Variants in SOS2 observed in about 807,000 individuals in gnomAD.
SOS2 encodes son of sevenless homolog 2.
A neutral mutation model predicts 148.2 loss-of-function variants in SOS2; 65 were observed. The ratio of observed to expected loss-of-function variants is 0.44; its 90% confidence interval spans 0.36 to 0.54. The LOEUF (loss-of-function observed/expected upper bound fraction) is 0.54. Ranked by LOEUF, SOS2 falls within the 20% of genes least tolerant of loss-of-function variation. SOS2 has a pLI of 0.00. For synonymous variants in SOS2, 539 were observed against 537.1 expected, an observed-to-expected ratio of 1.00 and a Z score of -0.05; for missense variants, 1,341 against 1,590.2, an observed-to-expected ratio of 0.84 and a Z score of 2.67.
In SOS2 at chr14:50,145,337, C is replaced by T; in HGVS notation, c.2505-5G>A. On this transcript the variant is annotated splice_polypyrimidine_tract_variant and splice_region_variant and intron_variant, in intron 15 of 22. Coordinates refer to ENST00000216373, the MANE Select transcript of SOS2 (RefSeq NM_006939.4). ...TTTTCTGCTTCCACAATGCATCTAA[C>T]AACAACAAAAATTCATGGCTTAGAA... is the stretch of plus-strand genomic sequence containing the variant. 6.3e-7 allele frequency: 1 copy of T among 1,593,842 alleles called. No individual in the cohort carries two copies. Among genetic ancestry groups the T allele is most frequent in the Non-Finnish European group, 8.5e-7 (1 of 1,173,428 alleles).
chr14:50,179,978 T>A (rs549883784), intron 7 of SOS2, among the ~76,000 whole-genome samples: 1 of 151,986 alleles, frequency 6.6e-6, no homozygotes, highest in Non-Finnish European at 1.5e-5. Context: ...GAAATCACAC[T>A]CCAGATTCAT....
At chr14:50,198,159 G>A (rs1407202848) in intron 4 of SOS2, among the ~76,000 whole-genome samples, 1 of 152,134 alleles carries the variant, frequency 6.6e-6, no homozygotes, top group East Asian at 1.9e-4. Context: ...ATGTTTGAAA[G>A]TTAGATGGTA....
rs746271219 is a variant in SOS2, at chr14:50,130,054, AT to A, written c.3338-53del. The stretch of plus-strand genomic sequence containing the variant: ...AAAAGGAAGGTAACATGTAGGTATT[AT>A]TTTTTAAATGTTTCCATAAATAATA... On this transcript the variant is annotated intron_variant, in intron 20 of 22. Coordinates refer to ENST00000216373, the MANE Select transcript of SOS2 (RefSeq NM_006939.4). 10 of 1,111,196 alleles carry A rather than the reference AT, an allele frequency of 9.0e-6. No homozygotes were observed. The East Asian group carries it at 1.2e-4, about 13-fold the overall frequency. 68.8% of individuals were successfully genotyped at this position (1,111,196 alleles called of 1,614,324 possible). A position where few individuals can be genotyped will look rare whatever the true frequency, so the allele number is the denominator to read the frequency against.
At chr14:50,170,562 C>T (rs982172586) in intron 8 of SOS2, among the ~76,000 whole-genome samples, 1 of 151,806 alleles carries the variant, frequency 6.6e-6, no homozygotes, top group Admixed American at 6.6e-5. Context: ...AGCACACATC[C>T]GTAGTCCTAG....
intron 21 of SOS2, among the ~76,000 whole-genome samples, chr14:50,126,257 C>T (rs1594955926): frequency 6.6e-6 from 1 of 152,130 alleles, no homozygotes; most frequent in African/African-American, 2.4e-5. Context: ...TTCATCATCT[C>T]AAATATTCAT....
At position 50,179,737 on chromosome 14, in the gene SOS2, G is replaced by C. The variant is rs577553779; in HGVS notation, c.969+835C>G. On this transcript the variant is annotated intron_variant, in intron 7 of 22. Coordinates refer to ENST00000216373, the MANE Select transcript of SOS2 (RefSeq NM_006939.4). ...TACCTATGCCAACATAACTTTTGTT[G>C]TTAGTGTTGAGATAGTAAAAATAAA... Among the ~76,000 whole-genome samples, 312 of 152,264 alleles carry C rather than the reference G, an allele frequency of 2.0e-3. 4 individuals carry two copies. The highest frequency in any genetic ancestry group is 2.9e-3 in the Non-Finnish European group (195 of 68,022).
chr14:50,125,431 G>A (rs1883650263), intron 21 of SOS2, among the ~76,000 whole-genome samples: 1 of 152,198 alleles, frequency 6.6e-6, no homozygotes, highest in Non-Finnish European at 1.5e-5. Flanking sequence ...AGTTTGTGGT[G>A]CTTTGTTATG....
chr14:50,225,698 G>T (rs1887350832), intron 1 of SOS2, among the ~76,000 whole-genome samples: 1 of 152,154 alleles, frequency 6.6e-6, no homozygotes. Context: ...AGGAATTCCA[G>T]AACAGGCTCA....
rs10658395 is a variant in SOS2, at chr14:50,118,856, CA to C, written c.3490-4del. ...TCATCATCAGATTTCATATTTCCCT[CA>C]AAAAAAAAAGTAATTAAATTATACC... On this transcript the variant is annotated splice_polypyrimidine_tract_variant and splice_region_variant and intron_variant, in intron 22 of 22. Transcript: ENST00000216373. 1,408 of 1,174,898 alleles carry C rather than the reference CA, an allele frequency of 1.2e-3. 13 individuals carry two copies. In the South Asian group the frequency reaches 0.018, roughly 15 times the overall value. 72.8% of individuals were successfully genotyped at this position (1,174,898 alleles called of 1,614,324 possible).
intron 2 of SOS2, among the ~76,000 whole-genome samples, chr14:50,202,498 C>T (rs1886524892): frequency 6.6e-6 from 1 of 151,624 alleles, no homozygotes; most frequent in Admixed American, 6.6e-5. Flanking sequence ...CTTTGGGAGA[C>T]TGAGGTGGGA....
At chr14:50,229,240 T>C (rs1162167041) in intron 1 of SOS2, among the ~76,000 whole-genome samples, 1 of 152,124 alleles carries the variant, frequency 6.6e-6, no homozygotes, top group Admixed American at 6.6e-5. Flanking sequence ...TTTCCAAAAA[T>C]ATAAAAAAAT....
chr14:50,169,186 C>T (rs957472327), intron 8 of SOS2, among the ~76,000 whole-genome samples: 3 of 151,434 alleles, frequency 2.0e-5, no homozygotes, highest in East Asian at 3.9e-4. Flanking sequence ...CATGGTAGCA[C>T]GCATCTGTAA....
chr14:50,228,720 A>C (rs941511850), intron 1 of SOS2, among the ~76,000 whole-genome samples: 1 of 152,218 alleles, frequency 6.6e-6, no homozygotes, highest in Admixed American at 6.5e-5. Flanking sequence ...CTGAACTCTG[A>C]GCTCAGAACC....
At chr14:50,201,217 A>G in intron 2 of SOS2, 133 bp from the exon 3 acceptor site, 2 of 840,508 alleles carry the variant, frequency 2.4e-6, no homozygotes, top group Non-Finnish European at 3.6e-6. Context: ...TGATTCCTGT[A>G]ATAAATAAAT....
intron 1 of SOS2, among the ~76,000 whole-genome samples, chr14:50,214,114 AAC>A (rs1401557413): frequency 4.3e-4 from 11 of 25,780 alleles, no homozygotes; most frequent in South Asian, 2.7e-3. Context: ...TATTTTTCAT[AAC>A]AAGCTTTGCA....
At chr14:50,147,210 C>T (rs1344686378) in intron 14 of SOS2, among the ~76,000 whole-genome samples, 1 of 149,432 alleles carries the variant, frequency 6.7e-6, no homozygotes, top group East Asian at 2.0e-4. Flanking sequence ...AAACAAACAA[C>T]AACAACAACA....
intron 1 of SOS2, among the ~76,000 whole-genome samples, chr14:50,217,482 T>A (rs1168608458): frequency 6.6e-6 from 1 of 152,070 alleles, no homozygotes; most frequent in Non-Finnish European, 1.5e-5. Context: ...AAGGATCACT[T>A]TAGATCAGGA....
chr14:50,199,837 C>A lies in SOS2; in HGVS notation c.364G>T (p.Val122Leu). The A allele has an allele frequency of 6.3e-7, 1 of 1,579,480 alleles. No individual in the cohort carries two copies. The highest frequency in any genetic ancestry group is 8.7e-7 in the Non-Finnish European group (1 of 1,156,026). Residue 122 changes from valine to leucine, a missense_variant, in exon 4 of 23, where the codon GTG becomes TTG. This residue lies in a region of SOS2 where 574 missense variants were observed against 711.1 expected (regional missense o/e 0.81). Coordinates refer to ENST00000216373, the MANE Select transcript of SOS2 (RefSeq NM_006939.4). Reference sequence around the variant, plus strand: ...ATATATAGGGATACATGGTAGTCCACTTTGTACCCTAATACTTCCTGTGAA... The same window carrying A: ...ATATATAGGGATACATGGTAGTCCAATTTGTACCCTAATACTTCCTGTGAA... ...PSLKEVLGYK[V>L]DYHVSLYIVA... is the part of the protein sequence containing the mutation.
chr14:50,220,920 C>G (rs1162786129), intron 1 of SOS2, among the ~76,000 whole-genome samples: 1 of 152,150 alleles, frequency 6.6e-6, no homozygotes, highest in Admixed American at 6.5e-5. Flanking sequence ...ACAGTACAGG[C>G]TAGAAAAATG....
Sources: gnomAD v4.1 joint callset for allele counts (sites outside exome capture counted in the v4.1 genomes callset) on GRCh38, gnomAD v4.1.1 for gene constraint, gnomAD v4.1.1 regional missense constraint, MANE v1.5 for transcripts, NCBI Gene and HGNC (gene_info 2026-07-23, HGNC 2026-07-21) for gene names.